WDR74: variants seen among roughly 807,000 people sequenced by gnomAD.
The protein encoded by WDR74 is WD repeat domain 74.
Under a neutral mutation model 45.6 loss-of-function variants are expected in WDR74, and 31 were observed. The ratio of observed to expected loss-of-function variants is 0.68; its 90% CI spans 0.51 to 0.92. The LOEUF is 0.92. Among genes scored for constraint, WDR74 ranks in the 40% least tolerant of loss-of-function variants. The probability of loss-of-function intolerance (pLI) is 0.00; values close to 1 mark genes in which losing one functional copy is unlikely to be tolerated. For synonymous variants in WDR74, 191 were observed against 192.4 expected, an observed-to-expected ratio of 0.99 and a Z score of 0.06; for missense variants, 455 against 497.2, an observed-to-expected ratio of 0.92 and a Z score of 0.81.
upstream of WDR74, among the ~76,000 whole-genome samples, chr11:62,841,001 GT>G (rs1421934530): frequency 6.6e-6 from 1 of 151,136 alleles, no homozygotes; most frequent in Non-Finnish European, 1.5e-5. Flanking sequence ...TGGTTAACAC[GT>G]TGTGAAACCC....
chr11:62,838,617 G>C (rs1460849056), intron 3 of WDR74, among the ~76,000 whole-genome samples: 1 of 151,900 alleles, frequency 6.6e-6, no homozygotes. Flanking sequence ...AAATAGCCGC[G>C]CGTGGTGGCA....
At chr11:62,839,013 C>T (rs1028410016) in intron 3 of WDR74, 101 bp downstream of exon 3, 1 of 1,530,636 alleles carries the variant, frequency 6.5e-7, no homozygotes. Context: ...CCATTCAAAG[C>T]CGTGTCACTA....
At chr11:62,839,673 G>A (rs1010959888), upstream of WDR74, 4 of 1,384,472 alleles carry the variant, frequency 2.9e-6, no homozygotes, top group East Asian at 9.4e-5. Context: ...GAAGTTTGAA[G>A]AGCCGAAACA....
upstream of WDR74, chr11:62,839,594 T>G (rs2085018149): frequency 1.9e-6 from 3 of 1,588,660 alleles, no homozygotes; most frequent in Non-Finnish European, 2.6e-6. Context: ...GGCAGACAGT[T>G]CACACTTCCG....
At chr11:62,837,040 C>T (rs898736624) in intron 3 of WDR74, among the ~76,000 whole-genome samples, 1 of 152,124 alleles carries the variant, frequency 6.6e-6, no homozygotes, top group Non-Finnish European at 1.5e-5. Context: ...CATGCCACTG[C>T]ACTTCAGCCT....
upstream of WDR74, among the ~76,000 whole-genome samples, chr11:62,841,309 G>A (rs945897352): frequency 7.2e-5 from 11 of 151,736 alleles, no homozygotes; most frequent in Non-Finnish European, 1.5e-4. Flanking sequence ...AGAGCAAGAC[G>A]ACGTCTCAAA....
upstream of WDR74, chr11:62,841,429 T>G (rs541457676): frequency 9.2e-5 from 14 of 151,518 alleles, no homozygotes; most frequent in South Asian, 6.2e-4. Context: ...GAAGACCACA[T>G]GGAGATACTA....
chr11:62,841,138 G>A (rs1185651471), upstream of WDR74, among the ~76,000 whole-genome samples: 1 of 152,202 alleles, frequency 6.6e-6, no homozygotes, highest in African/African-American at 2.4e-5. Context: ...CCAACATGGT[G>A]AAACCCCGTC....
Position 62,839,225 on chromosome 11 carries a change from C to G in WDR74, c.182G>C (p.Gly61Ala). 6.2e-7 allele frequency: 1 copy of G among 1,613,618 alleles called. No homozygotes were observed. Among genetic ancestry groups the G allele is most frequent in the African/African-American group, 1.3e-5 (1 of 75,064 alleles). ...GTGGETQMLV[G>A]CADRTVKHFS... ...GTGCTTCACCGTCCTGTCCGCGCAG[C>G]CCACCAGCATCTGCGGCAAAGAAGG... is the stretch of plus-strand genomic sequence containing the variant. The change falls in exon 3 of 11, where the codon GGC (glycine) becomes GCC (alanine). Residue 61 changes from glycine (G) to alanine (A), a missense_variant. Coordinates refer to ENST00000278856, the MANE Select transcript of WDR74 (RefSeq NM_001369450.1).
intron 6 of WDR74, chr11:62,834,832 T>G: frequency 2.6e-6 from 1 of 388,934 alleles, no homozygotes; most frequent in East Asian, 4.5e-5. Context: ...TAGTAGTCAG[T>G]AGGTGCTAAA....
chr11:62,841,580 G>GT (rs2085056798), upstream of WDR74: 1 of 152,126 alleles, frequency 6.6e-6, no homozygotes, highest in African/African-American at 2.4e-5. Context: ...CTAACTGATC[G>GT]AAATCTTCCA....
chr11:62,841,733 G>C (rs927306340), upstream of WDR74: 10 of 152,244 alleles, frequency 6.6e-5, no homozygotes, highest in African/African-American at 1.4e-4. Flanking sequence ...ATTGTCCTCG[G>C]ATAGAGGACG....
rs1353783740 is a variant in WDR74 at position 62,835,950 on chromosome 11, G to A, written c.369+11C>T. The stretch of plus-strand genomic sequence containing the variant: ...CCACCTCCCCCAACCATCAGGGCAG[G>A]GGAGCCTCACTGGGTCAGAGGATGT... On this transcript the variant is annotated intron_variant, in intron 4 of 10. Coordinates refer to ENST00000278856, the MANE Select transcript of WDR74 (RefSeq NM_001369450.1). 1.3e-6 allele frequency: 2 copies of A among 1,590,372 alleles called. No individual in the cohort carries two copies. Among genetic ancestry groups the A allele is most frequent in the Non-Finnish European group, 1.7e-6 (2 of 1,168,310 alleles).
At chr11:62,841,605 TTC>T (rs951886773), upstream of WDR74, 1 of 152,166 alleles carries the variant, frequency 6.6e-6, no homozygotes, top group Non-Finnish European at 1.5e-5. Context: ...ACAACGGTTG[TTC>T]TCTCCCCGAA....
chr11:62,840,962 A>G (rs1202636011), upstream of WDR74, among the ~76,000 whole-genome samples: 1 of 152,174 alleles, frequency 6.6e-6, no homozygotes, highest in Non-Finnish European at 1.5e-5. Flanking sequence ...AGGCGGGCGG[A>G]TCACGAGCTC....
chr11:62,839,155 C>A lies in WDR74; in HGVS notation c.252G>T (p.Pro84=), dbSNP rs1485659086. ...DGIFQGQRHC[P]GGEGMFRGLA... ...GGCCACGGAACATGCCCTCCCCGCC[C>A]GGGCAGTGTCTCTGACCCTGGAATA... The change falls in exon 3 of 11, where the codon CCG becomes CCT. Residue 84 remains proline (P), a synonymous_variant. Transcript: ENST00000278856. 2 of 1,613,566 alleles carry A rather than the reference C, an allele frequency of 1.2e-6. No homozygotes were observed. The highest frequency in any genetic ancestry group is 2.2e-5 in the South Asian group (2 of 91,086).
chr11:62,837,338 C>CA (rs945231306), intron 3 of WDR74, among the ~76,000 whole-genome samples: 5 of 151,102 alleles, frequency 3.3e-5, no homozygotes, highest in African/African-American at 1.2e-4. Context: ...AATAAAAATA[C>CA]AAAAAAAACT....
intron 3 of WDR74, 118 bp downstream of exon 3, chr11:62,838,996 C>A (rs762973250): frequency 2.8e-5 from 40 of 1,438,168 alleles, no homozygotes; most frequent in Non-Finnish European, 3.6e-5. Context: ...ACCCAGGTCC[C>A]TGTCACCCAT....
chr11:62,835,403 A>T (rs778126271), intron 6 of WDR74, 28 bp downstream of exon 6: 10 of 1,605,692 alleles, frequency 6.2e-6, no homozygotes, highest in Non-Finnish European at 8.5e-6. Flanking sequence ...TTATCCCAGG[A>T]GAAGGCAGGT....
Sources: gnomAD v4.1 joint callset for allele counts (sites outside exome capture counted in the v4.1 genomes callset) on GRCh38, gnomAD v4.1.1 for gene constraint, MANE v1.5 for transcripts, NCBI Gene and HGNC (gene_info 2026-07-23, HGNC 2026-07-21) for gene names.